Variants in CLVS1 observed in about 807,000 individuals in gnomAD.
CLVS1 encodes clavesin 1.
CLVS1 carries 10 observed loss-of-function variants against 33.1 expected under a neutral mutation model. That is an observed-to-expected ratio of 0.30 (90% CI 0.19 to 0.51). The LOEUF (loss-of-function observed/expected upper bound fraction) is 0.51. CLVS1 is among the 20% of genes least tolerant of loss of function. The probability of loss-of-function intolerance (pLI) is 0.97; values close to 1 mark genes in which losing one functional copy is unlikely to be tolerated. For missense variants in CLVS1, 343 were observed against 433.4 expected, an observed-to-expected ratio of 0.79 and a Z score of 1.85; for synonymous variants, 163 against 166.1, an observed-to-expected ratio of 0.98 and a Z score of 0.14.
chr8:61,490,653 T>C (rs1030723583), intron 5 of CLVS1, among the ~76,000 whole-genome samples: 1 of 59,846 alleles, frequency 1.7e-5, no homozygotes, highest in Non-Finnish European at 3.9e-5. Flanking sequence ...GCGAGATCCG[T>C]CTCAAAAAAA....
intron 1 of CLVS1, among the ~76,000 whole-genome samples, chr8:61,079,486 G>C (rs949722749): frequency 6.6e-6 from 1 of 152,170 alleles, no homozygotes; most frequent in Admixed American, 6.6e-5. Flanking sequence ...ATGTGCCAAG[G>C]TCTTGGGTCT....
At chr8:61,319,530 C>A (rs1361196827) in intron 2 of CLVS1, among the ~76,000 whole-genome samples, 1 of 152,216 alleles carries the variant, frequency 6.6e-6, no homozygotes, top group East Asian at 1.9e-4. Flanking sequence ...AGTCCCAAGG[C>A]CTTGACTTCC....
intron 1 of CLVS1, among the ~76,000 whole-genome samples, chr8:61,064,625 C>T (rs954682229): frequency 4.0e-5 from 6 of 150,486 alleles, no homozygotes; most frequent in African/African-American, 1.5e-4. Context: ...ACTGCAACCT[C>T]TGCCCTGTGG....
intron 1 of CLVS1, among the ~76,000 whole-genome samples, chr8:61,126,221 C>T (rs1458889337): frequency 1.3e-5 from 2 of 152,142 alleles, no homozygotes; most frequent in East Asian, 1.9e-4. Context: ...GACTCTCGGT[C>T]CAGCTACCTC....
At chr8:61,407,138 T>C (rs1457115907) in intron 3 of CLVS1, among the ~76,000 whole-genome samples, 3 of 152,188 alleles carry the variant, frequency 2.0e-5, no homozygotes, top group Non-Finnish European at 4.4e-5. Flanking sequence ...GAATTCCTCA[T>C]AGGCTGAGTG....
chr8:61,462,292 G>A (rs1414674900), intron 5 of CLVS1, among the ~76,000 whole-genome samples: 2 of 152,186 alleles, frequency 1.3e-5, no homozygotes, highest in African/African-American at 4.8e-5. Flanking sequence ...TTTCCAAGAA[G>A]TTTTCAATTT....
intron 2 of CLVS1, among the ~76,000 whole-genome samples, chr8:61,349,629 A>C (rs1259320337): frequency 6.6e-6 from 1 of 152,050 alleles, no homozygotes; most frequent in Non-Finnish European, 1.5e-5. Flanking sequence ...TTGATCTTCC[A>C]TCTTAATGTT....
At chr8:61,235,927 G>C (rs1444055588) in intron 2 of CLVS1, among the ~76,000 whole-genome samples, 1 of 152,148 alleles carries the variant, frequency 6.6e-6, no homozygotes, top group Non-Finnish European at 1.5e-5. Flanking sequence ...GTAACATCTG[G>C]CACATGGTTA....
At chr8:61,246,104 T>G (rs561724367) in intron 2 of CLVS1, among the ~76,000 whole-genome samples, 1 of 151,494 alleles carries the variant, frequency 6.6e-6, no homozygotes, top group Non-Finnish European at 1.5e-5. Context: ...AATGAGTAAT[T>G]TATCTCTTCC....
At chr8:61,208,023 C>A (rs1563445628) in intron 2 of CLVS1, among the ~76,000 whole-genome samples, 1 of 152,168 alleles carries the variant, frequency 6.6e-6, no homozygotes, top group Non-Finnish European at 1.5e-5. Flanking sequence ...GGCTTAGCGG[C>A]CACAGCCAGC....
chr8:61,264,239 G>A (rs777369044), intron 2 of CLVS1, among the ~76,000 whole-genome samples: 36 of 151,976 alleles, frequency 2.4e-4, no homozygotes, highest in South Asian at 6.2e-4. Flanking sequence ...GTTAAATGCC[G>A]TCTATATGCT....
chr8:60,985,744 A>G, the CLVS1 span, among the ~76,000 whole-genome samples: 1 of 143,234 alleles, frequency 7.0e-6, no homozygotes, highest in Non-Finnish European at 1.5e-5. Flanking sequence ...ATTTTGTGCT[A>G]TTTTACTTTC....
At chr8:61,240,671 T>C (rs1051427464) in intron 2 of CLVS1, among the ~76,000 whole-genome samples, 3 of 152,186 alleles carry the variant, frequency 2.0e-5, no homozygotes, top group South Asian at 2.1e-4. Flanking sequence ...AAATGTGTTG[T>C]TGGTTTGTTT....
rs948141926 is a variant in CLVS1 at position 61,238,260 on chromosome 8, C to G, written c.-151-61417C>G. Among the ~76,000 whole-genome samples the G allele has an allele frequency of 9.0e-4, 137 of 151,730 alleles. 2 individuals are homozygous for G. Among genetic ancestry groups the G allele is most frequent in the Non-Finnish European group, 5.6e-4 (38 of 67,920 alleles). On this transcript the variant is annotated intron_variant, in intron 2 of 2. Coordinates refer to the CLVS1 transcript ENST00000522621. ...CAGTTTTTGTTCCTTCCTTCCTTTC[C>G]TCCCTCTAGCCTTCCTTCTGTCCAT...
At chr8:61,123,813 C>G (rs530735497) in intron 1 of CLVS1, among the ~76,000 whole-genome samples, 6 of 152,286 alleles carry the variant, frequency 3.9e-5, no homozygotes, top group Non-Finnish European at 8.8e-5. Context: ...GGCTTCAAAC[C>G]CTGTGTTTAC....
chr8:61,406,194 G>T (rs1188798240), intron 3 of CLVS1, among the ~76,000 whole-genome samples: 1 of 152,170 alleles, frequency 6.6e-6, no homozygotes, highest in East Asian at 1.9e-4. Flanking sequence ...AATTGTGTCT[G>T]AGCTAAAAGC....
At chr8:61,240,425 A>G (rs1203943978) in intron 2 of CLVS1, among the ~76,000 whole-genome samples, 1 of 152,180 alleles carries the variant, frequency 6.6e-6, no homozygotes, top group Non-Finnish European at 1.5e-5. Flanking sequence ...GTGACTCCAC[A>G]ATAGCCCTCT....
intron 2 of CLVS1, among the ~76,000 whole-genome samples, chr8:61,258,488 A>G (rs991261801): frequency 6.6e-6 from 1 of 152,212 alleles, no homozygotes; most frequent in Non-Finnish European, 1.5e-5. Flanking sequence ...GCTTGAGTCA[A>G]GTACTAATAA....
intron 3 of CLVS1, among the ~76,000 whole-genome samples, chr8:61,425,054 T>C (rs573441305): frequency 6.6e-6 from 1 of 152,180 alleles, no homozygotes; most frequent in African/African-American, 2.4e-5. Context: ...TGAAAAGATT[T>C]GAAATCTGCA....
Sources: allele counts gnomAD v4.1 joint callset (sites outside exome capture counted in the v4.1 genomes callset), GRCh38; gene constraint gnomAD v4.1.1; transcripts MANE v1.5; gene names NCBI Gene and HGNC (gene_info 2026-07-23, HGNC 2026-07-21).